AKAP13: variants seen among roughly 807,000 people sequenced by gnomAD.
The protein encoded by AKAP13 is A-kinase anchoring protein 13, also known as A-kinase anchor protein 13.
AKAP13 carries 80 observed loss-of-function variants against 264.5 expected under a neutral mutation model. That is an observed-to-expected ratio of 0.30 (90% CI 0.25 to 0.36). The LOEUF is 0.36. AKAP13 is among the 10% of genes least tolerant of loss of function. The probability of loss-of-function intolerance (pLI) is 1.00; values close to 1 mark genes in which losing one functional copy is unlikely to be tolerated. For missense variants in AKAP13, 3,712 were observed against 3,435.2 expected (o/e 1.08, Z -2.01); for synonymous variants, 1,380 against 1,250.2 (o/e 1.10, Z -2.19).
intron 35 of AKAP13, among the ~76,000 whole-genome samples, chr15:85,742,704 A>G (rs1029157563): frequency 1.3e-5 from 2 of 152,238 alleles, no homozygotes; most frequent in African/African-American, 2.4e-5. Flanking sequence ...ATTTCGAAAC[A>G]TGGATGCTTG....
chr15:85,598,601 A>C (rs2079922057), intron 8 of AKAP13, among the ~76,000 whole-genome samples: 1 of 152,192 alleles, frequency 6.6e-6, no homozygotes, highest in Non-Finnish European at 1.5e-5. Context: ...TAATCTGCAA[A>C]TATGTACTAT....
At chr15:85,714,969 A>G (rs1415809216) in intron 19 of AKAP13, among the ~76,000 whole-genome samples, 2 of 152,112 alleles carry the variant, frequency 1.3e-5, no homozygotes, top group Non-Finnish European at 2.9e-5. Flanking sequence ...TGCATTTCAA[A>G]AAAAAAAGAA....
intron 23 of AKAP13, among the ~76,000 whole-genome samples, chr15:85,719,929 T>G (rs1474783595): frequency 6.7e-6 from 1 of 149,194 alleles, no homozygotes; most frequent in African/African-American, 2.5e-5. Context: ...AAAAAAAAAT[T>G]GAAAATTATT....
intron 1 of AKAP13, among the ~76,000 whole-genome samples, chr15:85,390,601 A>G (rs778666894): frequency 9.9e-5 from 15 of 152,050 alleles, no homozygotes; most frequent in African/African-American, 2.7e-4. Context: ...TAAAAACTTT[A>G]CTCTTGGCAT....
intron 30 of AKAP13, among the ~76,000 whole-genome samples, chr15:85,733,865 T>C (rs1462857537): frequency 7.2e-6 from 1 of 138,766 alleles, no homozygotes; most frequent in Non-Finnish European, 1.6e-5. Context: ...TTTTCTTTTC[T>C]TTCTTTTCTT....
chr15:85,719,422 T>G, intron 23 of AKAP13, 96 bp downstream of exon 23: 1 of 1,471,086 alleles, frequency 6.8e-7, no homozygotes, highest in Non-Finnish European at 9.2e-7. Flanking sequence ...TTTCTACCAT[T>G]TATTATCTGT....
intron 5 of AKAP13, among the ~76,000 whole-genome samples, chr15:85,565,413 C>T (rs1438660301): frequency 6.6e-6 from 1 of 152,156 alleles, no homozygotes; most frequent in Non-Finnish European, 1.5e-5. Flanking sequence ...ATTTCTAGTG[C>T]ATTTGGTTAT....
rs1038179482 is a variant in AKAP13, at chr15:85,730,819, A to G, written c.7282+112A>G. On this transcript the variant is annotated intron_variant, in intron 30 of 36. Coordinates refer to ENST00000394518, the MANE Select transcript of AKAP13 (RefSeq NM_007200.5). ...CTTTAAAGCACAAATGCAGAAAATT[A>G]CCCAAAACAAATATTTCACTATAGT... 5.2e-5 allele frequency: 48 copies of G among 917,224 alleles called. No homozygotes were observed. The Middle Eastern group carries it at 9.0e-4, about 17-fold the overall frequency. The allele number at this position is 917,224 out of a possible 1,614,324, so 56.8% of individuals were successfully genotyped here.
intron 7 of AKAP13, among the ~76,000 whole-genome samples, chr15:85,583,790 A>T (rs1214432132): frequency 2.0e-5 from 3 of 152,222 alleles, no homozygotes; most frequent in Non-Finnish European, 4.4e-5. Flanking sequence ...ATTAGCACAT[A>T]TAGTAAAGAT....
chr15:85,385,276 C>T (rs1230535613), intron 1 of AKAP13, among the ~76,000 whole-genome samples: 1 of 151,892 alleles, frequency 6.6e-6, no homozygotes, highest in Non-Finnish European at 1.5e-5. Context: ...TATTTGTCTC[C>T]CAAATATCTT....
At chr15:85,388,952 T>TA (rs1349318815) in intron 1 of AKAP13, among the ~76,000 whole-genome samples, 4 of 152,210 alleles carry the variant, frequency 2.6e-5, no homozygotes, top group African/African-American at 9.6e-5. Context: ...AACTTATGTG[T>TA]GTAAGTTGCT....
chr15:85,399,663 C>T (rs1262968772), intron 1 of AKAP13, among the ~76,000 whole-genome samples: 5 of 151,716 alleles, frequency 3.3e-5, no homozygotes, highest in East Asian at 3.8e-4. Flanking sequence ...AAGAAACTCA[C>T]GAAGCATCGT....
In AKAP13 at chr15:85,462,265, G is replaced by C. The variant is rs1380362176; in HGVS notation, c.-11-23445G>C. Among the ~76,000 whole-genome samples the C allele has an allele frequency of 2.0e-5, 3 of 152,190 alleles. No individual in the cohort carries two copies. The East Asian group carries it at 5.8e-4, about 29-fold the overall frequency. On this transcript the variant is annotated intron_variant, in intron 1 of 36. Coordinates refer to ENST00000394518, the MANE Select transcript of AKAP13 (RefSeq NM_007200.5). ...AGTCATTGGAACATGAAGAAAGAGA[G>C]TGCCCTGCCAGGGGACATCCCTAAT...
intron 8 of AKAP13, among the ~76,000 whole-genome samples, chr15:85,594,623 C>G (rs745909307): frequency 1.7e-4 from 26 of 152,232 alleles, no homozygotes; most frequent in Middle Eastern, 3.4e-3. Flanking sequence ...GCTTGTAGTT[C>G]TAAGTTCTGT....
chr15:85,463,896 AT>A (rs569020040), intron 1 of AKAP13, among the ~76,000 whole-genome samples: 39 of 152,120 alleles, frequency 2.6e-4, no homozygotes, highest in Admixed American at 1.8e-3. Context: ...CTTGATTGAA[AT>A]TTGGAAGCCA....
In AKAP13 at chr15:85,581,993, C is replaced by T; in HGVS notation, c.3925C>T (p.Leu1309=). Residue 1309 remains leucine (L), a synonymous_variant, in exon 7 of 37, where the codon CTA becomes TTA. Coordinates refer to ENST00000394518, the MANE Select transcript of AKAP13 (RefSeq NM_007200.5). ...KVSTFPPGES[L]PMGSTPEEAT... Reference sequence around the variant, plus strand: ...GAGTACTTTCCCACCTGGGGAGAGCCTACCAATGGGCAGTACTCCTGAGGA... The same window carrying T: ...GAGTACTTTCCCACCTGGGGAGAGCTTACCAATGGGCAGTACTCCTGAGGA... The T allele has an allele frequency of 6.2e-7, 1 of 1,614,170 alleles. No individual in the cohort carries two copies. Among genetic ancestry groups the T allele is most frequent in the Non-Finnish European group, 8.5e-7 (1 of 1,180,016 alleles).
chr15:85,723,106 C>T lies in AKAP13; in HGVS notation c.6531C>T (p.Ser2177=). The change falls in exon 26 of 37, where the codon TCC becomes TCT. Residue 2177 remains serine, a synonymous_variant. Coordinates refer to ENST00000394518, the MANE Select transcript of AKAP13 (RefSeq NM_007200.5). ...TGGAGCAGGAAGATCTAGCACAGTC[C>T]TTGAGCCTGGTGAAGGATGTGATTG... ...NEVEQEDLAQ[S]LSLVKDVIGA... The T allele has an allele frequency of 6.2e-7, 1 of 1,614,062 alleles. No homozygotes were observed. Among genetic ancestry groups the T allele is most frequent in the East Asian group, 2.2e-5 (1 of 44,872 alleles).
At chr15:85,461,121 T>C (rs2074494134) in intron 1 of AKAP13, among the ~76,000 whole-genome samples, 2 of 151,970 alleles carry the variant, frequency 1.3e-5, no homozygotes, top group Non-Finnish European at 2.9e-5. Context: ...TTTTATTTTA[T>C]TTTATTTTAT....
chr15:85,593,244 G>A (rs2079659559), intron 8 of AKAP13, among the ~76,000 whole-genome samples: 1 of 152,074 alleles, frequency 6.6e-6, no homozygotes, highest in African/African-American at 2.4e-5. Context: ...CCTGGGAGGT[G>A]GAGGTTGCAG....
Sources: allele counts gnomAD v4.1 joint callset (sites outside exome capture counted in the v4.1 genomes callset), GRCh38; gene constraint gnomAD v4.1.1; transcripts MANE v1.5; gene names NCBI Gene and HGNC (gene_info 2026-07-23, HGNC 2026-07-21).